Variants in XPNPEP1 observed in about 807,000 individuals in gnomAD.
XPNPEP1 encodes the protein xaa-Pro aminopeptidase 1.
Under a neutral mutation model 92.4 loss-of-function variants are expected in XPNPEP1, and 39 were observed. The observed-to-expected ratio is 0.42, with a 90% CI of 0.33 to 0.55. The LOEUF is 0.55. Among genes scored for constraint, XPNPEP1 ranks in the 20% least tolerant of loss-of-function variants. The pLI, the probability that XPNPEP1 is intolerant of heterozygous loss-of-function variation, is 0.08. For missense variants in XPNPEP1, 654 were observed against 856.1 expected, an observed-to-expected ratio of 0.76 and a Z score of 2.95; for synonymous variants, 307 against 299.4, an observed-to-expected ratio of 1.03 and a Z score of -0.26.
intron 4 of XPNPEP1, among the ~76,000 whole-genome samples, chr10:109,892,223 G>C (rs141840018): frequency 0.014 from 2,116 of 152,260 alleles, 42 homozygotes; most frequent in South Asian, 0.12. Context: ...GACACCCCAG[G>C]GGAGCTGTTT....
intron 3 of XPNPEP1, among the ~76,000 whole-genome samples, chr10:109,899,469 C>G (rs1849164129): frequency 6.6e-6 from 1 of 152,166 alleles, no homozygotes; most frequent in Non-Finnish European, 1.5e-5. Context: ...AACACCCACT[C>G]TATACTGCTA....
At chr10:109,894,361 T>C (rs561396282) in intron 3 of XPNPEP1, among the ~76,000 whole-genome samples, 2 of 152,014 alleles carry the variant, frequency 1.3e-5, no homozygotes, top group African/African-American at 4.8e-5. Flanking sequence ...TGAAACCTCA[T>C]GTCTACAAAA....
intron 2 of XPNPEP1, among the ~76,000 whole-genome samples, chr10:109,912,087 C>T (rs1169068880): frequency 1.3e-5 from 2 of 152,198 alleles, no homozygotes; most frequent in African/African-American, 2.4e-5. Flanking sequence ...ATCTTCATCA[C>T]TACCACCATC....
At chr10:109,868,400 A>G (rs1326594240) in intron 20 of XPNPEP1, among the ~76,000 whole-genome samples, 1 of 151,932 alleles carries the variant, frequency 6.6e-6, no homozygotes, top group African/African-American at 2.4e-5. Context: ...AAACAGGACT[A>G]TCTCCACCTG....
rs532811249 is a variant in XPNPEP1 at position 109,894,455 on chromosome 10, C to T, written c.247-1380G>A. 5.3e-5 allele frequency among the ~76,000 whole-genome samples: 8 copies of T among 151,682 alleles called. No homozygotes were observed. In the East Asian group the frequency reaches 5.8e-4, roughly 11 times the overall value. ...CTGAGGTGGGAGGATAATCTGAGCCCGGGAGGTTGAGGCTGCACAGTGAGG... is the reference window on the plus strand; with the variant it reads ...CTGAGGTGGGAGGATAATCTGAGCCTGGGAGGTTGAGGCTGCACAGTGAGG... On this transcript the variant is annotated intron_variant, in intron 3 of 20. Coordinates refer to ENST00000502935, the MANE Select transcript of XPNPEP1 (RefSeq NM_020383.4).
chr10:109,917,941 C>T (rs1278650360), intron 1 of XPNPEP1, among the ~76,000 whole-genome samples: 2 of 151,952 alleles, frequency 1.3e-5, no homozygotes, highest in Non-Finnish European at 2.9e-5. Context: ...GGCAAAACTC[C>T]GTTTCTACAA....
chr10:109,871,109 C>A, intron 17 of XPNPEP1: 1 of 534,736 alleles, frequency 1.9e-6, no homozygotes, highest in Non-Finnish European at 3.1e-6. Context: ...GGCGATCATC[C>A]ATTCAGGATG....
chr10:109,921,669 C>A (rs1427283301), intron 1 of XPNPEP1, among the ~76,000 whole-genome samples: 2 of 152,156 alleles, frequency 1.3e-5, no homozygotes, highest in African/African-American at 2.4e-5. Flanking sequence ...CTTTGTCTAC[C>A]CAGAATCCAT....
intron 17 of XPNPEP1, 159 bp from the exon 18 acceptor site, chr10:109,871,063 G>C (rs1847441326): frequency 5.0e-6 from 4 of 798,276 alleles, no homozygotes; most frequent in Non-Finnish European, 7.4e-6. Context: ...AACAATCAGA[G>C]CTCCTGAGAA....
chr10:109,880,289 C>A (rs1246710253), intron 11 of XPNPEP1, 51 bp from the exon 12 acceptor site: 1 of 1,592,536 alleles, frequency 6.3e-7, no homozygotes, highest in Non-Finnish European at 8.6e-7. Context: ...AATCACGTGA[C>A]CAGATTCAGA....
At chr10:109,889,158 G>C (rs958381967) in intron 5 of XPNPEP1, among the ~76,000 whole-genome samples, 1 of 152,192 alleles carries the variant, frequency 6.6e-6, no homozygotes, top group Admixed American at 6.5e-5. Flanking sequence ...AGATCTTTCC[G>C]AAGATTTTAA....
At chr10:109,901,983 A>C (rs1188763855) in intron 3 of XPNPEP1, among the ~76,000 whole-genome samples, 1 of 152,252 alleles carries the variant, frequency 6.6e-6, no homozygotes, top group East Asian at 1.9e-4. Context: ...ATATTGTTAA[A>C]ATTAATTTCA....
At chr10:109,901,541 A>G (rs1311109817) in intron 3 of XPNPEP1, among the ~76,000 whole-genome samples, 2 of 152,210 alleles carry the variant, frequency 1.3e-5, no homozygotes, top group African/African-American at 4.8e-5. Context: ...CCAGCTTAAA[A>G]TACTCTGTCA....
At position 109,865,149 on chromosome 10, in the gene XPNPEP1, A is replaced by G; in HGVS notation, c.*35T>C. ...CTGCCACGTTTCTTCCTTCCTCCAG[A>G]GCATTTTACAAAAACAAAACCGGGG... On this transcript the variant is annotated 3_prime_UTR_variant, in exon 21 of 21. Coordinates refer to ENST00000502935, the MANE Select transcript of XPNPEP1 (RefSeq NM_020383.4). 4 of 1,613,304 alleles carry G rather than the reference A, an allele frequency of 2.5e-6. No individual in the cohort carries two copies. The highest frequency in any genetic ancestry group is 3.4e-6 in the Non-Finnish European group (4 of 1,179,266).
chr10:109,885,411 G>T (rs529912984), intron 8 of XPNPEP1, among the ~76,000 whole-genome samples: 1 of 151,816 alleles, frequency 6.6e-6, no homozygotes, highest in Non-Finnish European at 1.5e-5. Context: ...TACTTCCTCT[G>T]CATTTTCCAA....
chr10:109,923,238 C>T (rs963313521), intron 1 of XPNPEP1, 164 bp downstream of exon 1: 1 of 985,164 alleles, frequency 1.0e-6, no homozygotes, highest in Non-Finnish European at 1.2e-6. Context: ...TGGACCCCTT[C>T]CCCCGGCTCC....
chr10:109,884,282 G>A (rs1848269368), intron 8 of XPNPEP1, 134 bp from the exon 9 acceptor site: 1 of 815,458 alleles, frequency 1.2e-6, no homozygotes. Context: ...CAGAAAGGCT[G>A]GAAGCCTGAC....
chr10:109,921,788 C>T (rs1287478351), intron 1 of XPNPEP1, among the ~76,000 whole-genome samples: 1 of 152,174 alleles, frequency 6.6e-6, no homozygotes, highest in Non-Finnish European at 1.5e-5. Context: ...GCTCTGGGAC[C>T]CAAAGCAGGT....
At chr10:109,887,905 C>T (rs1848480258) in intron 7 of XPNPEP1, 144 bp downstream of exon 7, 9 of 1,184,138 alleles carry the variant, frequency 7.6e-6, no homozygotes, top group Non-Finnish European at 1.0e-5. Flanking sequence ...CCTGCTTCTT[C>T]AAATATCCCA....
Sources: allele counts gnomAD v4.1 joint callset (sites outside exome capture counted in the v4.1 genomes callset), GRCh38; gene constraint gnomAD v4.1.1; transcripts MANE v1.5; gene names NCBI Gene and HGNC (gene_info 2026-07-23, HGNC 2026-07-21).